Variants in PCDH9 observed in about 807,000 individuals in gnomAD.
The protein encoded by PCDH9 is protocadherin 9.
In PCDH9, 24 loss-of-function variants were observed where a neutral mutation model predicts 70.6. That is an observed-to-expected ratio of 0.34 (90% CI 0.25 to 0.48). The LOEUF (loss-of-function observed/expected upper bound fraction) is 0.48, where lower values mean the gene tolerates loss of function less well. Among genes scored for constraint, PCDH9 ranks in the 20% least tolerant of loss-of-function variants. PCDH9 has a pLI of 0.99. For synonymous variants in PCDH9, 562 were observed against 558.5 expected, an observed-to-expected ratio of 1.01 and a Z score of -0.09; for missense variants, 1,281 against 1,503.6, an observed-to-expected ratio of 0.85 and a Z score of 2.45.
At chr13:66,855,109 G>A (rs1201712821) in intron 3 of PCDH9, among the ~76,000 whole-genome samples, 1 of 152,010 alleles carries the variant, frequency 6.6e-6, no homozygotes, top group Non-Finnish European at 1.5e-5. Context: ...CATAAGTAAC[G>A]AAGTATGAGG....
intron 2 of PCDH9, among the ~76,000 whole-genome samples, chr13:67,071,657 G>A (rs1253194137): frequency 6.6e-6 from 1 of 152,006 alleles, no homozygotes. Context: ...TTGAGAGGCT[G>A]AGGCGGTAGA....
chr13:67,189,922 T>C (rs1457989889), intron 2 of PCDH9, among the ~76,000 whole-genome samples: 1 of 152,030 alleles, frequency 6.6e-6, no homozygotes, highest in Admixed American at 6.6e-5. Context: ...AAGTAGTGAA[T>C]GCAGTTTTTA....
intron 3 of PCDH9, among the ~76,000 whole-genome samples, chr13:66,851,194 A>C (rs1376025082): frequency 1.3e-5 from 2 of 152,316 alleles, no homozygotes; most frequent in South Asian, 2.1e-4. Flanking sequence ...TGAATTCTGC[A>C]ACAAAAGCGT....
Position 67,227,239 on chromosome 13 carries a change from C to G in PCDH9, c.1202G>C (p.Cys401Ser). Reference protein sequence around the residue: ...KDTDVNGKVICFIEREVPFHL... With the variant: ...KDTDVNGKVISFIEREVPFHL... ...AAATGGGACCTCTCTTTCAATAAAA[C>G]AGATCACTTTGCCATTCACATCTGT... Residue 401 changes from cysteine (C) to serine (S), a missense_variant, in exon 2 of 5, where the codon TGT becomes TCT. Physicochemically the swap from Cys to Ser is moderately radical, Grantham distance 112. Coordinates refer to ENST00000377865, the MANE Select transcript of PCDH9 (RefSeq NM_203487.3). This position sits in a 1 kb window ranked among gnomAD's most constrained non-coding sequence, Gnocchi z 4.6. The G allele has an allele frequency of 6.2e-7, 1 of 1,613,726 alleles. No individual in the cohort carries two copies. The highest frequency in any genetic ancestry group is 8.5e-7 in the Non-Finnish European group (1 of 1,179,612).
chr13:66,367,913 A>T (rs1956580414), intron 4 of PCDH9, among the ~76,000 whole-genome samples: 1 of 152,184 alleles, frequency 6.6e-6, no homozygotes, highest in African/African-American at 2.4e-5. Context: ...ACATAAAATT[A>T]AACCTCTTTG....
At chr13:66,909,747 T>C (rs1309582841) in intron 2 of PCDH9, among the ~76,000 whole-genome samples, 1 of 152,210 alleles carries the variant, frequency 6.6e-6, no homozygotes, top group African/African-American at 2.4e-5. Context: ...CATGCTTTCT[T>C]CCTCCAACTG....
rs113527649 is a variant in PCDH9 at position 66,400,705 on chromosome 13, T to C, written c.3341-95677A>G. On this transcript the variant is annotated intron_variant, in intron 4 of 4. Coordinates refer to ENST00000377865, the MANE Select transcript of PCDH9 (RefSeq NM_203487.3). Reference sequence around the variant, plus strand: ...GAATTAATAAAGGATGGAAAAATAATTGATTAAGTCTCAAGAAAATTTGAG... The same window carrying C: ...GAATTAATAAAGGATGGAAAAATAACTGATTAAGTCTCAAGAAAATTTGAG... Among the ~76,000 whole-genome samples, 181 of 152,288 alleles carry C rather than the reference T, an allele frequency of 1.2e-3. 1 individual carries two copies. The highest frequency in any genetic ancestry group is 2.1e-3 in the Non-Finnish European group (141 of 68,022).
intron 2 of PCDH9, among the ~76,000 whole-genome samples, chr13:66,903,825 A>T (rs1280621726): frequency 2.6e-5 from 4 of 152,058 alleles, no homozygotes; most frequent in Non-Finnish European, 5.9e-5. Context: ...AAAACTAAAG[A>T]AATATAAAAT....
At chr13:66,671,302 T>C (rs2078172457) in intron 3 of PCDH9, among the ~76,000 whole-genome samples, 1 of 152,050 alleles carries the variant, frequency 6.6e-6, no homozygotes. Flanking sequence ...AATACAGTAA[T>C]TTGGTAGAGT....
At chr13:66,721,667 A>T (rs564485378) in intron 3 of PCDH9, among the ~76,000 whole-genome samples, 177 of 152,278 alleles carry the variant, frequency 1.2e-3, no homozygotes, top group Non-Finnish European at 1.6e-3. Flanking sequence ...TTCAGCTGGC[A>T]ATATACTCTT....
chr13:66,667,450 GC>G (rs1449010084), intron 3 of PCDH9, among the ~76,000 whole-genome samples: 1 of 151,826 alleles, frequency 6.6e-6, no homozygotes, highest in Non-Finnish European at 1.5e-5. Context: ...TTCTCTCAGT[GC>G]CTTTTGAGAA....
intron 2 of PCDH9, among the ~76,000 whole-genome samples, chr13:67,007,535 T>G (rs2084376119): frequency 6.6e-6 from 1 of 152,188 alleles, no homozygotes. Flanking sequence ...CATCAGTTAT[T>G]TGTGGCATAA....
chr13:67,083,128 A>T (rs998400875), intron 2 of PCDH9, among the ~76,000 whole-genome samples: 1 of 152,166 alleles, frequency 6.6e-6, no homozygotes, highest in African/African-American at 2.4e-5. Context: ...CCGTATAAAA[A>T]GTATAGTTAA....
At chr13:67,030,828 T>C (rs2084891084) in intron 2 of PCDH9, among the ~76,000 whole-genome samples, 1 of 152,120 alleles carries the variant, frequency 6.6e-6, no homozygotes, top group Admixed American at 6.6e-5. Context: ...GACTATAAAG[T>C]AAAAAGTAGT....
chr13:67,213,510 A>G (rs1278101166), intron 2 of PCDH9: 1 of 152,080 alleles, frequency 6.6e-6, no homozygotes, highest in Non-Finnish European at 1.5e-5. Context: ...TTTACCAAAC[A>G]TGTACTATAT....
At chr13:66,846,932 A>G (rs1594141495) in intron 3 of PCDH9, among the ~76,000 whole-genome samples, 1 of 151,844 alleles carries the variant, frequency 6.6e-6, no homozygotes, top group East Asian at 1.9e-4. Context: ...GTATATCACT[A>G]AATCCAGTTT....
chr13:67,166,906 G>C (rs375681381), intron 2 of PCDH9, among the ~76,000 whole-genome samples: 1 of 152,054 alleles, frequency 6.6e-6, no homozygotes, highest in Non-Finnish European at 1.5e-5. Context: ...AAGGGAATTT[G>C]CCTGACATTA....
intron 3 of PCDH9, chr13:66,858,950 TACA>T (rs907765623): frequency 3.0e-4 from 45 of 152,184 alleles, no homozygotes; most frequent in African/African-American, 1.0e-3. Flanking sequence ...TTATGATGTC[TACA>T]ACATCACTAC....
Position 66,677,189 on chromosome 13 carries a change from A to G in PCDH9, c.3139-45778T>C, listed in dbSNP as rs541486786. 7.2e-5 allele frequency among the ~76,000 whole-genome samples: 11 copies of G among 152,252 alleles called. No individual in the cohort carries two copies. The South Asian group carries it at 1.9e-3, about 26-fold the overall frequency. ...CAAATGCCCAGACAGCAATTTTAAG[A>G]TAATAGAATTTTTATAAATGCTATC... is the stretch of plus-strand genomic sequence containing the variant. On this transcript the variant is annotated intron_variant, in intron 3 of 4. Coordinates refer to ENST00000377865, the MANE Select transcript of PCDH9 (RefSeq NM_203487.3).
Sources: gnomAD v4.1 joint callset for allele counts (sites outside exome capture counted in the v4.1 genomes callset) on GRCh38, gnomAD v4.1.1 for gene constraint, Gnocchi (gnomAD v3.1) non-coding constraint, MANE v1.5 for transcripts, NCBI Gene and HGNC (gene_info 2026-07-23, HGNC 2026-07-21) for gene names.